Variants in MAPKAP1 observed in about 807,000 individuals in gnomAD.
MAPKAP1 encodes the protein target of rapamycin complex 2 subunit MAPKAP1.
In MAPKAP1, 20 loss-of-function variants were observed where a neutral mutation model predicts 65.7. That is an observed-to-expected ratio of 0.30 (90% CI 0.21 to 0.44). The LOEUF (loss-of-function observed/expected upper bound fraction) is 0.44. Among genes scored for constraint, MAPKAP1 ranks in the 20% least tolerant of loss-of-function variants. The pLI, the probability that MAPKAP1 is intolerant of heterozygous loss-of-function variation, is 1.00. For missense variants in MAPKAP1, 423 were observed against 648.0 expected (o/e 0.65, Z 3.77); for synonymous variants, 222 against 244.3 (o/e 0.91, Z 0.85).
intron 8 of MAPKAP1, among the ~76,000 whole-genome samples, chr9:125,505,456 A>C (rs1437894912): frequency 6.6e-6 from 1 of 152,216 alleles, no homozygotes; most frequent in Non-Finnish European, 1.5e-5. Flanking sequence ...CAGCCTGGCC[A>C]ATGCAGCAAG....
chr9:125,596,251 G>A (rs1488788819), intron 4 of MAPKAP1: 11 of 763,322 alleles, frequency 1.4e-5, no homozygotes, highest in East Asian at 2.4e-5. Flanking sequence ...GAAAGAGGTC[G>A]AAGTGGTTCT....
intron 8 of MAPKAP1, among the ~76,000 whole-genome samples, chr9:125,490,690 T>A (rs935119902): frequency 6.6e-6 from 1 of 152,254 alleles, no homozygotes; most frequent in South Asian, 2.1e-4. Flanking sequence ...AACATATCTG[T>A]GTCAGGCCAA....
chr9:125,439,171 C>T lies in MAPKAP1; in HGVS notation c.1444-159G>A, dbSNP rs1361234517. Among the ~76,000 whole-genome samples, 2 of 152,148 alleles carry T rather than the reference C, an allele frequency of 1.3e-5. No homozygotes were observed. The highest frequency in any genetic ancestry group is 2.9e-5 in the Non-Finnish European group (2 of 68,020). On this transcript the variant is annotated intron_variant, in intron 11 of 11. Coordinates refer to ENST00000265960, the MANE Select transcript of MAPKAP1 (RefSeq NM_001006617.3). This position sits in a 1 kb window ranked among gnomAD's most constrained non-coding sequence, Gnocchi z 4.0. ...TCCAGTCATCACAGCAACCTGGCAG[C>T]GGCTGGGCCCAGAGCCGCTGCTCTA...
At chr9:125,496,436 T>C (rs899839582) in intron 8 of MAPKAP1, among the ~76,000 whole-genome samples, 34 of 152,262 alleles carry the variant, frequency 2.2e-4, no homozygotes, top group African/African-American at 7.7e-4. Context: ...TTTTCATTTG[T>C]AAATAAGAGT....
chr9:125,678,874 C>T (rs1402913562), intron 1 of MAPKAP1, among the ~76,000 whole-genome samples: 1 of 152,088 alleles, frequency 6.6e-6, no homozygotes, highest in Non-Finnish European at 1.5e-5. Flanking sequence ...GGTTAAGAAA[C>T]TTGCCCAAAG....
intron 4 of MAPKAP1, among the ~76,000 whole-genome samples, chr9:125,590,073 A>C (rs1458749283): frequency 6.6e-6 from 1 of 152,142 alleles, no homozygotes; most frequent in Non-Finnish European, 1.5e-5. Context: ...GTTGCTTGTC[A>C]TTGCTCTCTC....
intron 1 of MAPKAP1, among the ~76,000 whole-genome samples, chr9:125,702,453 G>A (rs1307684207): frequency 3.9e-5 from 6 of 152,080 alleles, no homozygotes; most frequent in Non-Finnish European, 5.9e-5. Context: ...AGAATTGCTT[G>A]AACCCAGGAG....
At chr9:125,550,829 AAC>A (rs1455167218) in intron 6 of MAPKAP1, among the ~76,000 whole-genome samples, 1 of 152,262 alleles carries the variant, frequency 6.6e-6, no homozygotes, top group Non-Finnish European at 1.5e-5. Context: ...GAAAAGAAAC[AAC>A]ACACAGTTGG....
Position 125,667,040 on chromosome 9 carries a change from A to G in MAPKAP1, c.349+2778T>C, listed in dbSNP as rs142549236. ...AGGCTCAATTATCAAAATCCGTGAG[A>G]CACAGAAAAGAGAGAGAAGGAAACT... On this transcript the variant is annotated intron_variant, in intron 3 of 11. Transcript: ENST00000265960. Among the ~76,000 whole-genome samples, 5 of 152,332 alleles carry G rather than the reference A, an allele frequency of 3.3e-5. No individual in the cohort carries two copies. In the East Asian group the frequency reaches 9.6e-4, roughly 29 times the overall value.
chr9:125,465,809 T>C (rs1163066068), intron 10 of MAPKAP1, among the ~76,000 whole-genome samples: 2 of 152,020 alleles, frequency 1.3e-5, no homozygotes, highest in East Asian at 3.9e-4. Context: ...GGGGGCAAAG[T>C]GAACAGAGAG....
chr9:125,693,846 T>TATACACACACACACACACAC (rs10646202), intron 1 of MAPKAP1, among the ~76,000 whole-genome samples: 2 of 135,446 alleles, frequency 1.5e-5, no homozygotes, highest in Admixed American at 7.4e-5. Flanking sequence ...TATACACACA[T>TATACACACACACACACACAC]ACACACACAC....
At chr9:125,674,291 T>G (rs1345961221) in intron 1 of MAPKAP1, among the ~76,000 whole-genome samples, 4 of 152,200 alleles carry the variant, frequency 2.6e-5, no homozygotes, top group Non-Finnish European at 2.9e-5. Context: ...AATCAATAAT[T>G]TCAATGATCA....
At chr9:125,557,603 G>T (rs972722390) in intron 6 of MAPKAP1, among the ~76,000 whole-genome samples, 3 of 151,468 alleles carry the variant, frequency 2.0e-5, no homozygotes, top group African/African-American at 7.2e-5. Context: ...TTGTTCAACA[G>T]AATAAAAGGT....
At chr9:125,607,100 A>C (rs755405706) in intron 4 of MAPKAP1, among the ~76,000 whole-genome samples, 27 of 152,234 alleles carry the variant, frequency 1.8e-4, no homozygotes, top group Non-Finnish European at 3.7e-4. Context: ...GAAATGGCAT[A>C]GTAGATACTC....
chr9:125,478,016 G>A (rs1341515445), intron 9 of MAPKAP1: 1 of 152,236 alleles, frequency 6.6e-6, no homozygotes, highest in Admixed American at 6.5e-5. Flanking sequence ...TTGGAATGAT[G>A]ACTTTGGTAA....
Position 125,438,587 on chromosome 9 carries a change from G to T in MAPKAP1, c.*300C>A. On this transcript the variant is annotated 3_prime_UTR_variant, in exon 12 of 12. Coordinates refer to ENST00000265960, the MANE Select transcript of MAPKAP1 (RefSeq NM_001006617.3). ...TGTGGGCACGGCTCTGTACATCCTCGGGCAGGGTGGCAGGCATTGAAGGTG... is the reference window on the plus strand; with the variant it reads ...TGTGGGCACGGCTCTGTACATCCTCTGGCAGGGTGGCAGGCATTGAAGGTG... 2 of 456,052 alleles carry T rather than the reference G, an allele frequency of 4.4e-6. No homozygotes were observed. Among genetic ancestry groups the T allele is most frequent in the South Asian group, 1.2e-4 (2 of 16,290 alleles). 28.3% of individuals were successfully genotyped at this position (456,052 alleles called of 1,614,324 possible).
intron 1 of MAPKAP1, among the ~76,000 whole-genome samples, chr9:125,703,228 C>T (rs1224731884): frequency 6.6e-6 from 1 of 152,096 alleles, no homozygotes; most frequent in African/African-American, 2.4e-5. Context: ...TAACAGGCAT[C>T]GGACTTGGAG....
At chr9:125,484,865 C>G (rs979914943) in intron 8 of MAPKAP1, among the ~76,000 whole-genome samples, 1 of 152,168 alleles carries the variant, frequency 6.6e-6, no homozygotes, top group Admixed American at 6.5e-5. Context: ...GCTCAGTCCA[C>G]AGGAGTGAGT....
chr9:125,634,810 C>T (rs1004612666), intron 4 of MAPKAP1, among the ~76,000 whole-genome samples: 2 of 152,164 alleles, frequency 1.3e-5, no homozygotes, highest in Non-Finnish European at 2.9e-5. Flanking sequence ...ACTACTTTCA[C>T]GAGCATCTTC....
Sources: gnomAD v4.1 joint callset for allele counts (sites outside exome capture counted in the v4.1 genomes callset) on GRCh38, gnomAD v4.1.1 for gene constraint, Gnocchi (gnomAD v3.1) non-coding constraint, MANE v1.5 for transcripts, NCBI Gene and HGNC (gene_info 2026-07-23, HGNC 2026-07-21) for gene names.